ACBD6: variants seen among roughly 807,000 people sequenced by gnomAD.
ACBD6 encodes acyl-CoA-binding domain-containing protein 6.
A neutral mutation model predicts 37.2 loss-of-function variants in ACBD6; 28 were observed. The ratio of observed to expected loss-of-function variants is 0.75; its 90% confidence interval spans 0.56 to 1.03. ACBD6 has a LOEUF of 1.03. Ranked by LOEUF, ACBD6 falls within the 50% of genes least tolerant of loss-of-function variation. The probability of loss-of-function intolerance (pLI) is 0.00; values close to 1 mark genes in which losing one functional copy is unlikely to be tolerated. For synonymous variants in ACBD6, 113 were observed against 126.8 expected, an observed-to-expected ratio of 0.89 and a Z score of 0.73; for missense variants, 340 against 337.4, an observed-to-expected ratio of 1.01 and a Z score of -0.06.
chr1:180,351,948 A>AGTATG (rs1652435430), intron 6 of ACBD6, among the ~76,000 whole-genome samples: 1 of 152,250 alleles, frequency 6.6e-6, no homozygotes, highest in Admixed American at 6.5e-5. Context: ...TATACATACA[A>AGTATG]AGTGAGTATT....
chr1:180,443,856 C>T (rs1160510591), intron 3 of ACBD6, among the ~76,000 whole-genome samples: 2 of 151,176 alleles, frequency 1.3e-5, no homozygotes, highest in African/African-American at 2.4e-5. Flanking sequence ...ATCTCCTGAC[C>T]TCGTGATCTG....
chr1:180,281,001 C>T lies in ACBD6; in HGVS notation c.*174+305G>A, dbSNP rs144057467. ...GCCTATGTTGCATCTTTCTTTTCAA[C>T]ATACTATCAACTGTTTTTGAGTATA... On this transcript the variant is annotated intron_variant, in intron 9 of 13. Transcript: ENST00000642319. Among the ~76,000 whole-genome samples the T allele has an allele frequency of 2.5e-4, 38 of 152,346 alleles. 1 individual carries two copies. In the Middle Eastern group the frequency reaches 0.01, roughly 41 times the overall value.
At chr1:180,305,334 T>C (rs549415036) in intron 7 of ACBD6, among the ~76,000 whole-genome samples, 5 of 151,998 alleles carry the variant, frequency 3.3e-5, no homozygotes, top group African/African-American at 1.2e-4. Flanking sequence ...TGGGAGAAAA[T>C]TTTTGCAATC....
chr1:180,468,545 A>G (rs1037668982), intron 3 of ACBD6, among the ~76,000 whole-genome samples: 5 of 152,168 alleles, frequency 3.3e-5, no homozygotes, highest in African/African-American at 9.7e-5. Flanking sequence ...AGTAGTATAT[A>G]CTGTTTTATC....
chr1:180,453,694 CAA>C (rs1475742258), intron 3 of ACBD6, among the ~76,000 whole-genome samples: 9 of 152,224 alleles, frequency 5.9e-5, no homozygotes, highest in Admixed American at 5.2e-4. Flanking sequence ...GCAACTTCAG[CAA>C]AGTCTCAGGA....
intron 6 of ACBD6, among the ~76,000 whole-genome samples, chr1:180,374,737 A>G (rs1653374322): frequency 6.6e-6 from 1 of 152,224 alleles, no homozygotes; most frequent in African/African-American, 2.4e-5. Context: ...ACCTTCACTT[A>G]CAGATAAAAT....
intron 4 of ACBD6, among the ~76,000 whole-genome samples, chr1:180,416,960 T>C (rs1396514743): frequency 6.6e-6 from 1 of 152,208 alleles, no homozygotes; most frequent in East Asian, 1.9e-4. Flanking sequence ...ATTCAATTCA[T>C]GTATTTACTA....
intron 6 of ACBD6, among the ~76,000 whole-genome samples, chr1:180,318,171 C>CA (rs1331667041): frequency 1.9e-5 from 2 of 103,760 alleles, no homozygotes; most frequent in Non-Finnish European, 4.0e-5. Flanking sequence ...CCGCCCCCCC[C>CA]CCCCAAAAAA....
At chr1:180,475,868 A>G (rs899211892) in intron 3 of ACBD6, among the ~76,000 whole-genome samples, 2 of 152,232 alleles carry the variant, frequency 1.3e-5, no homozygotes, top group South Asian at 2.1e-4. Context: ...GGAAAATGCT[A>G]TAACACCTAG....
intron 5 of ACBD6, among the ~76,000 whole-genome samples, chr1:180,405,725 CAT>C (rs1647596150): frequency 6.6e-6 from 1 of 152,024 alleles, no homozygotes; most frequent in Admixed American, 6.5e-5. Context: ...ATTATGTAAA[CAT>C]AATTTGAGCC....
At chr1:180,425,565 T>C (rs550888171) in intron 4 of ACBD6, among the ~76,000 whole-genome samples, 3 of 152,344 alleles carry the variant, frequency 2.0e-5, no homozygotes, top group African/African-American at 7.2e-5. Flanking sequence ...GCCTGTTAAA[T>C]GCATAAAAAT....
chr1:180,463,941 A>T (rs1173089458), intron 3 of ACBD6, among the ~76,000 whole-genome samples: 1 of 152,240 alleles, frequency 6.6e-6, no homozygotes, highest in Non-Finnish European at 1.5e-5. Flanking sequence ...CATAAATAGA[A>T]CTAAAGAAAA....
At chr1:180,317,700 T>C (rs1462343429) in intron 6 of ACBD6, among the ~76,000 whole-genome samples, 1 of 152,184 alleles carries the variant, frequency 6.6e-6, no homozygotes, top group Non-Finnish European at 1.5e-5. Flanking sequence ...TTCAACAATA[T>C]TTTTTCTTGG....
chr1:180,302,129 T>C, intron 7 of ACBD6, among the ~76,000 whole-genome samples: 1 of 152,200 alleles, frequency 6.6e-6, no homozygotes, highest in East Asian at 1.9e-4. Context: ...GGCACATGTA[T>C]ACATATGTAA....
At chr1:180,375,637 T>C (rs76682392) in intron 6 of ACBD6, among the ~76,000 whole-genome samples, 1,585 of 152,218 alleles carry the variant, frequency 0.01, 29 homozygotes, top group African/African-American at 0.036. Flanking sequence ...GAATAGACTT[T>C]TAAATAAATG....
intron 6 of ACBD6, among the ~76,000 whole-genome samples, chr1:180,322,494 C>T (rs559185182): frequency 2.0e-5 from 3 of 152,066 alleles, no homozygotes; most frequent in Admixed American, 2.0e-4. Context: ...CTAGCCTTTT[C>T]TTTACTGGAA....
At chr1:180,290,926 G>A (rs1044728176) in intron 7 of ACBD6, among the ~76,000 whole-genome samples, 3 of 152,192 alleles carry the variant, frequency 2.0e-5, no homozygotes, top group African/African-American at 7.2e-5. Flanking sequence ...CATTTATGAG[G>A]AGTGGAGTGG....
At chr1:180,467,122 AT>A (rs964926184) in intron 3 of ACBD6, among the ~76,000 whole-genome samples, 1 of 151,816 alleles carries the variant, frequency 6.6e-6, no homozygotes, top group Non-Finnish European at 1.5e-5. Flanking sequence ...TATATCTTTT[AT>A]TTTTTTAGAG....
chr1:180,332,707 T>C (rs1460924317), intron 6 of ACBD6, among the ~76,000 whole-genome samples: 2 of 152,068 alleles, frequency 1.3e-5, no homozygotes, highest in South Asian at 2.1e-4. Context: ...TCATAATATA[T>C]TGCAATGTAA....
Sources: allele counts gnomAD v4.1 joint callset (sites outside exome capture counted in the v4.1 genomes callset), GRCh38; gene constraint gnomAD v4.1.1; transcripts MANE v1.5; gene names NCBI Gene and HGNC (gene_info 2026-07-23, HGNC 2026-07-21).